Variants in FRMPD4 observed in about 807,000 individuals in gnomAD.
FRMPD4 encodes the protein FERM and PDZ domain containing 4.
A neutral mutation model predicts 94.1 loss-of-function variants in FRMPD4; 22 were observed. The observed-to-expected ratio is 0.23, with a 90% confidence interval of 0.17 to 0.33. The LOEUF (loss-of-function observed/expected upper bound fraction) is 0.33. FRMPD4 is among the 10% of genes least tolerant of loss of function. FRMPD4 has a pLI of 1.00. For synonymous variants in FRMPD4, 631 were observed against 548.6 expected (o/e 1.15, Z -2.10); for missense variants, 1,111 against 1,339.9 (o/e 0.83, Z 2.67).
chrX:12,109,222 C>A (rs1438835376), intron 3 of FRMPD4, among the ~76,000 whole-genome samples: 4 of 111,806 alleles, frequency 3.6e-5, no homozygotes, highest in Non-Finnish European at 7.5e-5. Flanking sequence ...TAACAAACTG[C>A]CTCTCAGACA....
intron 3 of FRMPD4, among the ~76,000 whole-genome samples, chrX:12,021,386 T>C (rs2054631317): frequency 8.9e-6 from 1 of 111,914 alleles, no homozygotes; most frequent in Non-Finnish European, 1.9e-5. Flanking sequence ...AAAAAATTAT[T>C]GGTTTACATG....
intron 1 of FRMPD4, among the ~76,000 whole-genome samples, chrX:12,426,565 C>T (rs2056947030): frequency 9.0e-6 from 1 of 111,487 alleles, no homozygotes; most frequent in Non-Finnish European, 1.9e-5. Flanking sequence ...GGGCTGCTAA[C>T]CTGAAGAAGG....
chrX:12,422,311 C>A (rs368629587), intron 1 of FRMPD4, among the ~76,000 whole-genome samples: 1 of 112,241 alleles, frequency 8.9e-6, no homozygotes, highest in African/African-American at 3.2e-5. Flanking sequence ...ACGCTAGAGA[C>A]AGGCTGTAGG....
chrX:12,107,354 A>G (rs2055308796), intron 3 of FRMPD4, among the ~76,000 whole-genome samples: 1 of 112,229 alleles, frequency 8.9e-6, no homozygotes, highest in South Asian at 3.7e-4. Context: ...TGTTAGAAGG[A>G]AAACTAACAA....
chrX:11,907,262 C>A (rs1462115657), intron 3 of FRMPD4, among the ~76,000 whole-genome samples: 1 of 110,352 alleles, frequency 9.1e-6, no homozygotes, highest in East Asian at 2.8e-4. Context: ...TAACTGGACC[C>A]ACTCAGAGTC....
At chrX:12,130,737 G>C (rs774614961) in intron 3 of FRMPD4, among the ~76,000 whole-genome samples, 1 of 110,654 alleles carries the variant, frequency 9.0e-6, no homozygotes. Flanking sequence ...TCAAGCAGAA[G>C]TGCTGTTATT....
chrX:11,878,859 G>A (rs754582525), intron 3 of FRMPD4, among the ~76,000 whole-genome samples: 6 of 111,923 alleles, frequency 5.4e-5, no homozygotes, highest in East Asian at 2.8e-4. Flanking sequence ...TGATTATTGA[G>A]TGTTTAAGCA....
intron 1 of FRMPD4, among the ~76,000 whole-genome samples, chrX:12,280,059 G>A (rs1198957381): frequency 2.7e-5 from 3 of 110,179 alleles, no homozygotes; most frequent in Non-Finnish European, 5.7e-5. Context: ...AGTACATTGG[G>A]CACACTGCTT....
intron 1 of FRMPD4, among the ~76,000 whole-genome samples, chrX:12,492,998 C>A (rs1470345715): frequency 9.0e-6 from 1 of 111,354 alleles, no homozygotes; most frequent in Non-Finnish European, 1.9e-5. Context: ...AGAAACTGTA[C>A]AGGACAGTTT....
Position 12,144,410 on chromosome X carries a change from T to G in FRMPD4, c.41+5398T>G, listed in dbSNP as rs1267216043. On this transcript the variant is annotated intron_variant, in intron 1 of 16. Coordinates refer to ENST00000675598, the MANE Select transcript of FRMPD4 (RefSeq NM_001368397.1). ...AAATTATCTTGAAGAAATCTAAGCC[T>G]TAGTTTTAGATAACAAAGTTAACAT... Among the ~76,000 whole-genome samples the G allele has an allele frequency of 3.7e-5, 4 of 107,675 alleles. No homozygotes were observed. The East Asian group carries it at 1.2e-3, about 32-fold the overall frequency. The allele number at this position is 107,675 out of a possible 115,157, so 93.5% of individuals were successfully genotyped here.
chrX:12,538,699 T>C (rs1233252753), intron 2 of FRMPD4, among the ~76,000 whole-genome samples: 1 of 112,050 alleles, frequency 8.9e-6, no homozygotes, highest in Non-Finnish European at 1.9e-5. Flanking sequence ...AAACAGGGTC[T>C]GGAGTGGGCC....
intron 1 of FRMPD4, among the ~76,000 whole-genome samples, chrX:12,497,529 A>G (rs887350587): frequency 1.4e-4 from 15 of 109,718 alleles, no homozygotes; most frequent in Non-Finnish European, 2.9e-4. Context: ...TGTGCAAAGA[A>G]GAGGAACAAA....
At chrX:12,040,343 A>G (rs1327547993) in intron 3 of FRMPD4, among the ~76,000 whole-genome samples, 3 of 95,520 alleles carry the variant, frequency 3.1e-5, no homozygotes, top group African/African-American at 7.9e-5. Flanking sequence ...CTTTTTTTCT[A>G]GTGGTAATAT....
intron 1 of FRMPD4, among the ~76,000 whole-genome samples, chrX:12,210,131 A>G (rs990934629): frequency 8.9e-6 from 1 of 112,177 alleles, no homozygotes; most frequent in South Asian, 3.7e-4. Flanking sequence ...GCACAAAACA[A>G]TAAGACAACA....
intron 1 of FRMPD4, among the ~76,000 whole-genome samples, chrX:12,476,275 G>A (rs60336015): frequency 0.45 from 49,608 of 110,670 alleles, 8,722 homozygotes; most frequent in South Asian, 0.61. Flanking sequence ...AGAAAGCTGA[G>A]ACTGGATCCC....
intron 3 of FRMPD4, among the ~76,000 whole-genome samples, chrX:11,884,799 ATAAAG>A (rs1196039339): frequency 8.9e-6 from 1 of 111,767 alleles, no homozygotes; most frequent in Non-Finnish European, 1.9e-5. Context: ...ACTGGCGTGA[ATAAAG>A]TAAAATGTGA....
chrX:12,626,146 G>A (rs1241444038), intron 4 of FRMPD4, among the ~76,000 whole-genome samples: 1 of 109,921 alleles, frequency 9.1e-6, no homozygotes, highest in Admixed American at 9.8e-5. Context: ...GGTCAACATA[G>A]TGAGACCTGG....
At chrX:12,098,750 G>C (rs1041165225) in intron 3 of FRMPD4, among the ~76,000 whole-genome samples, 12 of 111,065 alleles carry the variant, frequency 1.1e-4, no homozygotes, top group Admixed American at 4.8e-4. Flanking sequence ...ACAAAGCATA[G>C]GGTAGCACCC....
intron 1 of FRMPD4, among the ~76,000 whole-genome samples, chrX:12,276,495 T>A (rs1449972918): frequency 8.9e-6 from 1 of 112,494 alleles, no homozygotes; most frequent in Non-Finnish European, 1.9e-5. Flanking sequence ...GTTGAAATAG[T>A]TATTATCAAT....
Sources: gnomAD v4.1 joint callset for allele counts (sites outside exome capture counted in the v4.1 genomes callset) on GRCh38, gnomAD v4.1.1 for gene constraint, MANE v1.5 for transcripts, NCBI Gene and HGNC (gene_info 2026-07-23, HGNC 2026-07-21) for gene names.